Variants in GLT6D1 observed in about 807,000 individuals in gnomAD.
GLT6D1 encodes glycosyltransferase 6 domain containing 1, also known as putative glycosyltransferase 6 domain-containing protein 1.
GLT6D1 carries 9 observed loss-of-function variants against 12.3 expected under a neutral mutation model. That is an observed-to-expected ratio of 0.73 (90% CI 0.44 to 1.27). The LOEUF (loss-of-function observed/expected upper bound fraction) is 1.27, where lower values mean the gene tolerates loss of function less well. Ranked by LOEUF, GLT6D1 falls within the 50% of genes most tolerant of loss-of-function variation. The probability of loss-of-function intolerance (pLI) is 0.00; values close to 1 mark genes in which losing one functional copy is unlikely to be tolerated. For synonymous variants in GLT6D1, 128 were observed against 132.3 expected (o/e 0.97, Z 0.23); for missense variants, 335 against 346.2 (o/e 0.97, Z 0.26).
chr9:135,640,002 G>A (rs1418656982), upstream of GLT6D1, among the ~76,000 whole-genome samples: 2 of 152,034 alleles, frequency 1.3e-5, no homozygotes, highest in Non-Finnish European at 2.9e-5. Flanking sequence ...TAGTGGAGAC[G>A]GGGTTTCATC....
Position 135,623,825 on chromosome 9 carries a change from C to T in GLT6D1, c.*272G>A. On this transcript the variant is annotated 3_prime_UTR_variant, in exon 5 of 5. Transcript: ENST00000371763. ...TGTGTATTAACATTAAGTAATTATC[C>T]TTTTATTCTTTATCCTACATTAGCC... The T allele has an allele frequency of 2.8e-6, 1 of 352,494 alleles. No individual in the cohort carries two copies. Among genetic ancestry groups the T allele is most frequent in the Non-Finnish European group, 5.1e-6 (1 of 194,458 alleles). The allele number at this position is 352,494 out of a possible 1,614,324, so 21.8% of individuals were successfully genotyped here.
In GLT6D1 at chr9:135,624,579, C is replaced by T. The variant is rs192109365; in HGVS notation, c.349G>A (p.Ala117Thr). The T allele has an allele frequency of 3.8e-4, 620 of 1,613,642 alleles. 1 individual carries two copies. Among genetic ancestry groups the T allele is most frequent in the Non-Finnish European group, 4.9e-4 (574 of 1,179,982 alleles). ...YRVIFYIMVD[A>T]FFKLPDIEPS... ...TCTATGTCAGGCAGCTTGAAGAAGG[C>T]GTCCACCATGATGTAGAAGATCACT... The change falls in exon 5 of 5, where the codon GCC (alanine) becomes ACC (threonine). Residue 117 changes from alanine (A) to threonine (T), a missense_variant. Ala to Thr is a moderately conservative substitution (Grantham distance 58, BLOSUM62 0). Transcript: ENST00000371763.
intron 3 of GLT6D1, among the ~76,000 whole-genome samples, chr9:135,626,692 C>T (rs781169755): frequency 2.0e-5 from 3 of 152,162 alleles, no homozygotes; most frequent in Non-Finnish European, 4.4e-5. Context: ...CTCCCCTTTT[C>T]CTACAAGTTT....
At chr9:135,633,900 C>T (rs1343583898) in intron 2 of GLT6D1, among the ~76,000 whole-genome samples, 2 of 152,122 alleles carry the variant, frequency 1.3e-5, no homozygotes, top group Non-Finnish European at 2.9e-5. Flanking sequence ...GAGTGAGCAC[C>T]TCCTACATGC....
At chr9:135,629,173 C>T (rs1027454874) in intron 3 of GLT6D1, among the ~76,000 whole-genome samples, 2 of 152,050 alleles carry the variant, frequency 1.3e-5, no homozygotes, top group Admixed American at 6.6e-5. Context: ...CTGGTCAACA[C>T]AGCAAGACCT....
chr9:135,631,761 G>A (rs1833654651), intron 2 of GLT6D1, among the ~76,000 whole-genome samples: 1 of 152,142 alleles, frequency 6.6e-6, no homozygotes, highest in Non-Finnish European at 1.5e-5. Flanking sequence ...GAACAGATCA[G>A]CTAAGAGAAT....
chr9:135,629,626 T>C (rs988501701), intron 3 of GLT6D1, among the ~76,000 whole-genome samples: 3 of 152,188 alleles, frequency 2.0e-5, no homozygotes, highest in Non-Finnish European at 4.4e-5. Context: ...TTTGTAGTAT[T>C]TTTAAGCCTT....
intron 2 of GLT6D1, among the ~76,000 whole-genome samples, chr9:135,633,597 G>A (rs1833698231): frequency 6.6e-6 from 1 of 152,008 alleles, no homozygotes; most frequent in South Asian, 2.1e-4. Context: ...ACAAAACACA[G>A]GACATCTCTT....
In GLT6D1 at chr9:135,624,263, T is replaced by A. The variant is rs111951400; in HGVS notation, c.665A>T (p.Gln222Leu). ...CAAGTTGCCATAATAGAAATCTCCCTGTCCAAACGGGATGCAAGCTGCTGA... is the reference window on the plus strand; with the variant it reads ...CAAGTTGCCATAATAGAAATCTCCCAGTCCAAACGGGATGCAAGCTGCTGA... Reference protein sequence around the residue: ...PTSAACIPFGQGDFYYGNLMV... With the variant: ...PTSAACIPFGLGDFYYGNLMV... Residue 222 changes from glutamine to leucine, a missense_variant, in exon 5 of 5, where the codon CAG (glutamine) becomes CTG (leucine). Physicochemically the swap from Gln to Leu is moderately radical, Grantham distance 113. Coordinates refer to ENST00000371763, the MANE Select transcript of GLT6D1 (RefSeq NM_182974.3). 3.9e-4 allele frequency: 618 copies of A among 1,603,174 alleles called. 5 individuals are homozygous for A. In the African/African-American group the frequency reaches 7.5e-3, roughly 19 times the overall value.
rs558217447 is a variant in GLT6D1 at position 135,636,914 on chromosome 9, G to A, written c.71+2203C>T. Among the ~76,000 whole-genome samples, 21 of 152,090 alleles carry A rather than the reference G, an allele frequency of 1.4e-4. No homozygotes were observed. In the East Asian group the frequency reaches 1.9e-3, roughly 14 times the overall value. On this transcript the variant is annotated intron_variant, in intron 2 of 4. Coordinates refer to ENST00000371763, the MANE Select transcript of GLT6D1 (RefSeq NM_182974.3). ...GTTGCCCAAGCTGGAGTGCGATGGC[G>A]TGATCTCAGCTCACCGCAACCTCTG...
intron 2 of GLT6D1, among the ~76,000 whole-genome samples, chr9:135,631,756 G>A (rs1302770399): frequency 2.6e-5 from 4 of 152,114 alleles, no homozygotes; most frequent in African/African-American, 9.7e-5. Context: ...GAGATGAACA[G>A]ATCAGCTAAG....
chr9:135,629,655 G>T (rs1193762771), intron 3 of GLT6D1, among the ~76,000 whole-genome samples: 1 of 152,112 alleles, frequency 6.6e-6, no homozygotes, highest in African/African-American at 2.4e-5. Context: ...TTGTTGATTA[G>T]TTGTTCTGTC....
At position 135,623,963 on chromosome 9, in the gene GLT6D1, C is replaced by T. The variant is rs1044999263; in HGVS notation, c.*134G>A. On this transcript the variant is annotated 3_prime_UTR_variant, in exon 5 of 5. Coordinates refer to ENST00000371763, the MANE Select transcript of GLT6D1 (RefSeq NM_182974.3). ...ACTTCCCTCATTTATAAGAAATTGC[C>T]GTGATTCATTTATTCGTCATAAACC... 12 of 612,210 alleles carry T rather than the reference C, an allele frequency of 2.0e-5. No individual in the cohort carries two copies. Among genetic ancestry groups the T allele is most frequent in the African/African-American group, 3.8e-5 (2 of 52,612 alleles). The allele number at this position is 612,210 out of a possible 1,614,324, so 37.9% of individuals were successfully genotyped here.
Position 135,624,084 on chromosome 9 carries a change from C to T in GLT6D1, c.*13G>A. ...GAAAATGCAAGATCCCAGCTGTATG[C>T]TGGTGATAACAGCTAGGTGGGTTTA... On this transcript the variant is annotated 3_prime_UTR_variant, in exon 5 of 5. Transcript: ENST00000371763. 1 of 1,561,518 alleles carries T rather than the reference C, an allele frequency of 6.4e-7. No homozygotes were observed. The highest frequency in any genetic ancestry group is 8.8e-7 in the Non-Finnish European group (1 of 1,137,190).
chr9:135,626,235 G>C, intron 3 of GLT6D1, 29 bp from the exon 4 acceptor site: 2 of 1,611,690 alleles, frequency 1.2e-6, no homozygotes, highest in Non-Finnish European at 1.7e-6. Context: ...GTTAAACAGG[G>C]AGTGCTTTAC....
At chr9:135,640,902 G>A (rs1387388094), upstream of GLT6D1, among the ~76,000 whole-genome samples, 3 of 152,232 alleles carry the variant, frequency 2.0e-5, no homozygotes, top group East Asian at 5.8e-4. Context: ...TGTGGATGGG[G>A]TAAGACAGGC....
intron 3 of GLT6D1, among the ~76,000 whole-genome samples, chr9:135,627,910 C>A (rs1045648902): frequency 1.1e-4 from 17 of 152,052 alleles, no homozygotes; most frequent in African/African-American, 3.9e-4. Flanking sequence ...CTCATTGTGA[C>A]CTTAATTTGC....
upstream of GLT6D1, among the ~76,000 whole-genome samples, chr9:135,640,197 G>T (rs1833863572): frequency 6.6e-6 from 1 of 152,100 alleles, no homozygotes; most frequent in African/African-American, 2.4e-5. Context: ...TGTGAAATGA[G>T]GTGAGCTGCA....
In GLT6D1 at chr9:135,623,730, C is replaced by G. The variant is rs1364049034; in HGVS notation, c.*367G>C. On this transcript the variant is annotated 3_prime_UTR_variant, in exon 5 of 5. Coordinates refer to ENST00000371763, the MANE Select transcript of GLT6D1 (RefSeq NM_182974.3). The stretch of plus-strand genomic sequence containing the variant: ...GTTTTTTCTCAACTAGAGTCTTTCT[C>G]CATTAAAAATATTCATTCTATGTCA... 6.2e-6 allele frequency: 1 copy of G among 161,856 alleles called. No individual in the cohort carries two copies. The highest frequency in any genetic ancestry group is 2.4e-5 in the African/African-American group (1 of 41,724). The allele number at this position is 161,856 out of a possible 1,614,324, so 10.0% of individuals were successfully genotyped here. A position where few individuals can be genotyped will look rare whatever the true frequency, so the allele number is the denominator to read the frequency against.
Sources: gnomAD v4.1 joint callset for allele counts (sites outside exome capture counted in the v4.1 genomes callset) on GRCh38, gnomAD v4.1.1 for gene constraint, MANE v1.5 for transcripts, NCBI Gene and HGNC (gene_info 2026-07-23, HGNC 2026-07-21) for gene names.